GABRB1: variants seen among roughly 807,000 people sequenced by gnomAD.
GABRB1 encodes the protein gamma-aminobutyric acid type A receptor subunit beta1.
In GABRB1, 17 loss-of-function variants were observed where a neutral mutation model predicts 51.6. The observed-to-expected ratio is 0.33, with a 90% CI of 0.23 to 0.49. GABRB1 has a LOEUF of 0.49. Among genes scored for constraint, GABRB1 ranks in the 20% least tolerant of loss-of-function variants. The pLI is 0.99. For synonymous variants in GABRB1, 247 were observed against 218.9 expected, an observed-to-expected ratio of 1.13 and a Z score of -1.14; for missense variants, 410 against 600.6, an observed-to-expected ratio of 0.68 and a Z score of 3.32.
intron 3 of GABRB1, among the ~76,000 whole-genome samples, chr4:47,093,961 C>T (rs1302340099): frequency 6.6e-6 from 1 of 151,700 alleles, no homozygotes; most frequent in Admixed American, 6.6e-5. Context: ...TAGTAGGAAG[C>T]TATTGAAAAG....
At chr4:47,057,061 C>A (rs938058659) in intron 3 of GABRB1, among the ~76,000 whole-genome samples, 1 of 152,104 alleles carries the variant, frequency 6.6e-6, no homozygotes, top group African/African-American at 2.4e-5. Context: ...GCCGAGATCA[C>A]GCCGCTGCAC....
intron 4 of GABRB1, among the ~76,000 whole-genome samples, chr4:47,257,159 C>T (rs1383494289): frequency 1.3e-5 from 2 of 152,128 alleles, no homozygotes; most frequent in East Asian, 3.9e-4. Context: ...TCAGCCCCCT[C>T]CCTGTTTGTT....
chr4:47,399,313 CT>C, intron 5 of GABRB1, among the ~76,000 whole-genome samples: 1 of 152,094 alleles, frequency 6.6e-6, no homozygotes, highest in Middle Eastern at 3.4e-3. Flanking sequence ...ATTTTGTTTG[CT>C]AATATGTTCT....
At chr4:47,147,907 A>G (rs1717244126) in intron 3 of GABRB1, among the ~76,000 whole-genome samples, 1 of 152,064 alleles carries the variant, frequency 6.6e-6, no homozygotes, top group African/African-American at 2.4e-5. Flanking sequence ...GCCCTTAAGA[A>G]ATTTGTATTT....
intron 5 of GABRB1, among the ~76,000 whole-genome samples, chr4:47,374,581 A>G (rs1040830283): frequency 9.2e-5 from 14 of 152,144 alleles, no homozygotes; most frequent in Admixed American, 8.5e-4. Flanking sequence ...TGATTTCACC[A>G]TATGTCAAGA....
rs900986632 is a variant in GABRB1 at position 47,209,258 on chromosome 4, C to T, written c.461+47789C>T. 1.1e-4 allele frequency among the ~76,000 whole-genome samples: 16 copies of T among 152,198 alleles called. 1 individual carries two copies. The highest frequency in any genetic ancestry group is 7.2e-4 in the Admixed American group (11 of 15,272). On this transcript the variant is annotated intron_variant, in intron 4 of 8. Coordinates refer to ENST00000295454, the MANE Select transcript of GABRB1 (RefSeq NM_000812.4). ...GACAGGGCTGACCACCGTCACTGAG[C>T]CTTGACAGCATTCATTATTAGATTG...
intron 3 of GABRB1, among the ~76,000 whole-genome samples, chr4:47,141,162 T>A (rs964231817): frequency 6.6e-6 from 1 of 151,930 alleles, no homozygotes; most frequent in Non-Finnish European, 1.5e-5. Context: ...AGATGTCAGA[T>A]AATAAGAGAG....
intron 3 of GABRB1, among the ~76,000 whole-genome samples, chr4:47,125,646 C>T (rs1716097051): frequency 7.5e-6 from 1 of 134,080 alleles, no homozygotes. Flanking sequence ...AGCTCCGCCT[C>T]CTGGGTTCAC....
At chr4:47,084,421 A>C (rs1345650313) in intron 3 of GABRB1, among the ~76,000 whole-genome samples, 2 of 152,176 alleles carry the variant, frequency 1.3e-5, no homozygotes, top group East Asian at 3.9e-4. Flanking sequence ...GCATTTCAAA[A>C]ATATATACCA....
At chr4:47,311,060 C>CA (rs34566582) in intron 4 of GABRB1, among the ~76,000 whole-genome samples, 32,041 of 51,962 alleles carry the variant, frequency 0.62, 9,876 homozygotes, top group Non-Finnish European at 0.62. Context: ...AACTCTGTCT[C>CA]AAAAAAAAAA....
chr4:47,400,526 GTCTCTCTCTC>G (rs56896606), intron 5 of GABRB1, among the ~76,000 whole-genome samples: 1 of 117,874 alleles, frequency 8.5e-6, no homozygotes, highest in East Asian at 2.0e-4. Flanking sequence ...CCAGGAGGTA[GTCTCTCTCTC>G]TCTCTCTCTC....
chr4:47,241,469 A>G (rs1163121931), intron 4 of GABRB1, among the ~76,000 whole-genome samples: 1 of 152,192 alleles, frequency 6.6e-6, no homozygotes, highest in Non-Finnish European at 1.5e-5. Flanking sequence ...GGCACACCAT[A>G]GACATGTTCT....
intron 8 of GABRB1, among the ~76,000 whole-genome samples, chr4:47,409,101 G>C (rs541876115): frequency 1.3e-3 from 200 of 152,316 alleles, no homozygotes; most frequent in South Asian, 5.4e-3. Context: ...CATGCAGACG[G>C]GCAGGTGTGG....
intron 1 of GABRB1, among the ~76,000 whole-genome samples, chr4:46,998,976 A>G (rs1309643216): frequency 1.3e-5 from 2 of 152,060 alleles, no homozygotes; most frequent in African/African-American, 4.8e-5. Flanking sequence ...AGTACTCTGT[A>G]CTAATTACTA....
chr4:47,388,160 T>G (rs1463307210), intron 5 of GABRB1, among the ~76,000 whole-genome samples: 1 of 152,220 alleles, frequency 6.6e-6, no homozygotes, highest in East Asian at 1.9e-4. Flanking sequence ...TATAACATGT[T>G]AACAAATAAG....
intron 5 of GABRB1, among the ~76,000 whole-genome samples, chr4:47,337,178 G>A (rs772326095): frequency 1.1e-4 from 17 of 152,138 alleles, no homozygotes; most frequent in Non-Finnish European, 1.9e-4. Flanking sequence ...GGGAGGCAGA[G>A]GTTGCCATGA....
chr4:47,137,768 C>T (rs1464285865), intron 3 of GABRB1, among the ~76,000 whole-genome samples: 1 of 152,036 alleles, frequency 6.6e-6, no homozygotes, highest in Non-Finnish European at 1.5e-5. Flanking sequence ...CTTGTAAATT[C>T]TACTAAAATT....
At position 47,403,723 on chromosome 4, in the gene GABRB1, T is replaced by G; in HGVS notation, c.835+12T>G. ...CAGAGTCGCACTAGGTAATACATTC[T>G]CAGCACTGCAGAGAGCTAACAGATT... is the stretch of plus-strand genomic sequence containing the variant. On this transcript the variant is annotated intron_variant, in intron 7 of 8. Coordinates refer to ENST00000295454, the MANE Select transcript of GABRB1 (RefSeq NM_000812.4). 6.2e-7 allele frequency: 1 copy of G among 1,610,430 alleles called. No individual in the cohort carries two copies. The highest frequency in any genetic ancestry group is 8.5e-7 in the Non-Finnish European group (1 of 1,179,562).
intron 3 of GABRB1, among the ~76,000 whole-genome samples, chr4:47,093,689 A>G (rs569816356): frequency 6.6e-6 from 1 of 152,356 alleles, no homozygotes; most frequent in South Asian, 2.1e-4. Flanking sequence ...GTTAAGTAGG[A>G]AGTTTGGGAG....
Sources: gnomAD v4.1 joint callset for allele counts (sites outside exome capture counted in the v4.1 genomes callset) on GRCh38, gnomAD v4.1.1 for gene constraint, MANE v1.5 for transcripts, NCBI Gene and HGNC (gene_info 2026-07-23, HGNC 2026-07-21) for gene names.